Variants in ATP2C1 observed in about 807,000 individuals in gnomAD.
The protein encoded by ATP2C1 is ATPase secretory pathway Ca2+ transporting 1.
In ATP2C1, 31 loss-of-function variants were observed where a neutral mutation model predicts 120.5. The ratio of observed to expected loss-of-function variants is 0.26; its 90% confidence interval spans 0.19 to 0.35. The LOEUF (loss-of-function observed/expected upper bound fraction) is 0.35, where lower values mean the gene tolerates loss of function less well. Among genes scored for constraint, ATP2C1 ranks in the 10% least tolerant of loss-of-function variants. ATP2C1 has a pLI of 1.00. For synonymous variants in ATP2C1, 351 were observed against 358.7 expected, an observed-to-expected ratio of 0.98 and a Z score of 0.24; for missense variants, 731 against 1,107.5, an observed-to-expected ratio of 0.66 and a Z score of 4.83.
intron 8 of ATP2C1, among the ~76,000 whole-genome samples, chr3:130,945,540 G>T (rs1010077558): frequency 1.8e-5 from 2 of 108,946 alleles, no homozygotes; most frequent in Admixed American, 2.6e-4. Context: ...GACAGGCCCC[G>T]GTGTGTGATG....
chr3:130,953,053 C>T (rs1039252920), intron 8 of ATP2C1, among the ~76,000 whole-genome samples: 1 of 151,674 alleles, frequency 6.6e-6, no homozygotes, highest in East Asian at 1.9e-4. Context: ...CTTACTTGGC[C>T]CTAGTCCTCT....
intron 1 of ATP2C1, among the ~76,000 whole-genome samples, chr3:130,881,243 C>T (rs1346922114): frequency 6.6e-6 from 1 of 152,186 alleles, no homozygotes; most frequent in Non-Finnish European, 1.5e-5. Context: ...TTAAAACAAC[C>T]AACCCGTCAG....
chr3:130,999,712 C>G, intron 27 of ATP2C1, 53 bp downstream of exon 27: 1 of 1,488,894 alleles, frequency 6.7e-7, no homozygotes, highest in South Asian at 1.2e-5. Flanking sequence ...ATCATATTTT[C>G]TAATGTGTTT....
intron 8 of ATP2C1, among the ~76,000 whole-genome samples, chr3:130,943,683 A>G (rs1342075748): frequency 6.6e-6 from 1 of 152,176 alleles, no homozygotes; most frequent in Non-Finnish European, 1.5e-5. Context: ...ACTTTTACGT[A>G]TATAGTTGAA....
At chr3:130,897,961 A>G (rs1559894581) in intron 2 of ATP2C1, among the ~76,000 whole-genome samples, 1 of 152,210 alleles carries the variant, frequency 6.6e-6, no homozygotes, top group Non-Finnish European at 1.5e-5. Flanking sequence ...TGAGATGCAC[A>G]AGTAAACAGC....
chr3:130,939,535 G>T (rs964825501), intron 6 of ATP2C1, among the ~76,000 whole-genome samples: 1 of 152,156 alleles, frequency 6.6e-6, no homozygotes, highest in African/African-American at 2.4e-5. Flanking sequence ...GGGAGTAGAG[G>T]CTAAGAAACC....
At chr3:131,014,535 G>A in intron 26 of ATP2C1, 10 of 823,384 alleles carry the variant, frequency 1.2e-5, no homozygotes, top group South Asian at 2.2e-5. Context: ...AGAATAATCT[G>A]TTCTTTGAAG....
intron 12 of ATP2C1, 91 bp from the exon 13 acceptor site, chr3:130,963,880 G>A (rs565590391): frequency 3.2e-5 from 49 of 1,535,100 alleles, no homozygotes; most frequent in East Asian, 1.6e-4. Context: ...TTAATTTTGC[G>A]TTTTATTAAG....
chr3:130,930,496 A>G lies in ATP2C1; in HGVS notation c.87A>G (p.Leu29=). The part of the protein sequence containing the change: ...PVLTSKKASE[L]PVSEVASILQ... ...TGACATCAAAAAAAGCAAGTGAATT[A>G]CCAGTCAGTGAAGTTGCAAGCATTC... is the stretch of plus-strand genomic sequence containing the variant. Residue 29 remains leucine (L), a synonymous_variant, in exon 3 of 28, where the codon TTA becomes TTG. Transcript: ENST00000510168. 6.2e-7 allele frequency: 1 copy of G among 1,612,538 alleles called. No individual in the cohort carries two copies. Among genetic ancestry groups the G allele is most frequent in the Non-Finnish European group, 8.5e-7 (1 of 1,178,592 alleles).
chr3:130,905,802 A>G (rs1395363649), intron 2 of ATP2C1, among the ~76,000 whole-genome samples: 1 of 152,104 alleles, frequency 6.6e-6, no homozygotes, highest in African/African-American at 2.4e-5. Flanking sequence ...TTTGCCAGAC[A>G]GCAGTTAAAG....
At chr3:130,995,750 C>T (rs982685249) in intron 22 of ATP2C1, among the ~76,000 whole-genome samples, 2 of 152,324 alleles carry the variant, frequency 1.3e-5, no homozygotes, top group East Asian at 3.9e-4. Flanking sequence ...AAGCGATTCT[C>T]CTGCCTCAGC....
At chr3:130,947,360 C>T (rs1576835373) in intron 8 of ATP2C1, among the ~76,000 whole-genome samples, 1 of 152,148 alleles carries the variant, frequency 6.6e-6, no homozygotes, top group Non-Finnish European at 1.5e-5. Context: ...CACAGTTGTA[C>T]ACCCATCACT....
chr3:130,902,588 T>G (rs1488837325), intron 2 of ATP2C1, among the ~76,000 whole-genome samples: 1 of 151,948 alleles, frequency 6.6e-6, no homozygotes, highest in Non-Finnish European at 1.5e-5. Context: ...TGTTATTGTT[T>G]GGAAGCAATT....
intron 27 of ATP2C1, 70 bp from the exon 28 acceptor site, chr3:131,001,150 A>T: frequency 2.4e-5 from 30 of 1,253,940 alleles, no homozygotes; most frequent in Non-Finnish European, 3.3e-5. Context: ...TGCTAGAAAA[A>T]TGTAAGCTAT....
At chr3:130,914,093 T>C (rs1459978620) in intron 2 of ATP2C1, among the ~76,000 whole-genome samples, 4 of 152,198 alleles carry the variant, frequency 2.6e-5, no homozygotes, top group African/African-American at 9.6e-5. Context: ...CTTCCTATTA[T>C]GTTTCCTCCA....
chr3:130,879,788 A>G (rs13096513), intron 1 of ATP2C1, among the ~76,000 whole-genome samples: 1 of 152,150 alleles, frequency 6.6e-6, no homozygotes, highest in Non-Finnish European at 1.5e-5. Flanking sequence ...CAGTCTCTGT[A>G]TAATTTCTTT....
chr3:130,861,715 A>G (rs1252217289), intron 1 of ATP2C1, among the ~76,000 whole-genome samples: 1 of 152,214 alleles, frequency 6.6e-6, no homozygotes, highest in African/African-American at 2.4e-5. Flanking sequence ...AAATTGAGAC[A>G]TAAAATTAAC....
chr3:130,999,775 T>G (rs1560036084), intron 27 of ATP2C1, 116 bp downstream of exon 27: 1 of 1,022,620 alleles, frequency 9.8e-7, no homozygotes. Context: ...TCACTTGATT[T>G]GAAAAAGGAG....
chr3:130,920,191 G>T (rs1458920939), intron 2 of ATP2C1, among the ~76,000 whole-genome samples: 23 of 152,094 alleles, frequency 1.5e-4, no homozygotes, highest in Admixed American at 1.5e-3. Flanking sequence ...TTAGTTTGAT[G>T]TAGTCCCACT....
Sources: gnomAD v4.1 joint callset for allele counts (sites outside exome capture counted in the v4.1 genomes callset) on GRCh38, gnomAD v4.1.1 for gene constraint, MANE v1.5 for transcripts, NCBI Gene and HGNC (gene_info 2026-07-23, HGNC 2026-07-21) for gene names.